LDLRAP1: variants seen among roughly 807,000 people sequenced by gnomAD.
The protein encoded by LDLRAP1 is low density lipoprotein receptor adaptor protein 1, also known as low density lipoprotein receptor adapter protein 1.
Under a neutral mutation model 37.8 loss-of-function variants are expected in LDLRAP1, and 30 were observed. The observed-to-expected ratio is 0.79, with a 90% CI of 0.59 to 1.08. LDLRAP1 has a LOEUF of 1.08. Among genes scored for constraint, LDLRAP1 ranks in the 50% least tolerant of loss-of-function variants. The pLI is 0.00. For synonymous variants in LDLRAP1, 156 were observed against 169.8 expected (o/e 0.92, Z 0.63); for missense variants, 375 against 401.6 (o/e 0.93, Z 0.57).
rs1167292124 is a variant in LDLRAP1, at chr1:25,554,537, T to A, written c.232-323T>A. Among the ~76,000 whole-genome samples the A allele has an allele frequency of 6.6e-6, 1 of 152,228 alleles. No individual in the cohort carries two copies. The highest frequency in any genetic ancestry group is 1.9e-4 in the East Asian group (1 of 5,188). On this transcript the variant is annotated intron_variant, in intron 2 of 8. Coordinates refer to ENST00000374338, the MANE Select transcript of LDLRAP1 (RefSeq NM_015627.3). The surrounding 1 kb of genome is among the most constrained non-coding windows in gnomAD (Gnocchi z 5.4). ...ACTCAGGAGTCATCCTGCTGGGTTG[T>A]GCTAGCTCATTCAGTGCCGAGTCTG...
chr1:25,545,169 G>A (rs1429988407), intron 1 of LDLRAP1, among the ~76,000 whole-genome samples: 1 of 152,208 alleles, frequency 6.6e-6, no homozygotes, highest in Non-Finnish European at 1.5e-5. Flanking sequence ...CAGGACTTCT[G>A]AGATGGCCAT....
At chr1:25,564,467 C>T (rs552628448) in intron 7 of LDLRAP1, 2 of 156,444 alleles carry the variant, frequency 1.3e-5, no homozygotes, top group African/African-American at 4.8e-5. Flanking sequence ...ATAGAACTTA[C>T]ACATTTCTCC....
At chr1:25,561,435 A>T (rs2044340179) in intron 4 of LDLRAP1, among the ~76,000 whole-genome samples, 1 of 152,172 alleles carries the variant, frequency 6.6e-6, no homozygotes, top group African/African-American at 2.4e-5. Flanking sequence ...ATATTTTTTT[A>T]AAAGGAGTTT....
intron 1 of LDLRAP1, among the ~76,000 whole-genome samples, chr1:25,551,374 G>A (rs186210717): frequency 4.6e-5 from 7 of 152,340 alleles, no homozygotes; most frequent in Non-Finnish European, 8.8e-5. Flanking sequence ...GCATGATAAA[G>A]TAGTATGGTC....
intron 4 of LDLRAP1, chr1:25,557,535 C>T (rs964462115): frequency 2.4e-5 from 13 of 531,728 alleles, no homozygotes; most frequent in Admixed American, 1.3e-4. Flanking sequence ...CTCTCTGTAA[C>T]GGGATTTGCT....
rs776857764 is a variant in LDLRAP1, at chr1:25,554,041, G to A, written c.208G>A (p.Ala70Thr). 15 of 1,613,898 alleles carry A rather than the reference G, an allele frequency of 9.3e-6. No individual in the cohort carries two copies. Among genetic ancestry groups the A allele is most frequent in the Non-Finnish European group, 1.2e-5 (14 of 1,180,028 alleles). The change falls in exon 2 of 9, where the codon GCC (alanine) becomes ACC (threonine). Residue 70 changes from alanine (A) to threonine (T), a missense_variant. Transcript: ENST00000374338. This position sits in a 1 kb window ranked among gnomAD's most constrained non-coding sequence, Gnocchi z 5.4. ...QPKGEELSAA[A>T]IKRIVATAKA... is the part of the protein sequence containing the mutation. ...CAAGGGTGAGGAGCTGTCGGCCGCC[G>A]CCATCAAGAGGATCGTGGCTACAGT... is the stretch of plus-strand genomic sequence containing the variant.
chr1:25,574,929 A>G, the LDLRAP1 span, among the ~76,000 whole-genome samples: 1 of 152,098 alleles, frequency 6.6e-6, no homozygotes, highest in Non-Finnish European at 1.5e-5. Flanking sequence ...TTGACATTCC[A>G]CAGCTCAGCT....
rs149394769 is a variant in LDLRAP1 at position 25,556,820 on chromosome 1, A to C, written c.345-333A>C. 5.5e-3 allele frequency among the ~76,000 whole-genome samples: 833 copies of C among 152,320 alleles called. 4 individuals are homozygous for C. Among genetic ancestry groups the C allele is most frequent in the Middle Eastern group, 0.034 (10 of 294 alleles). ...GTAGCTTTGAGAATCACATGAGGTG[A>C]GGTCTAGAAAGCTCTTGGCACATTG... On this transcript the variant is annotated intron_variant, in intron 3 of 8. Coordinates refer to ENST00000374338, the MANE Select transcript of LDLRAP1 (RefSeq NM_015627.3).
At chr1:25,586,219 G>A in the LDLRAP1 span, among the ~76,000 whole-genome samples, 7 of 152,152 alleles carry the variant, frequency 4.6e-5, no homozygotes, top group African/African-American at 1.7e-4. This position sits in a 1 kb window ranked among gnomAD's most constrained non-coding sequence, Gnocchi z 4.3. Context: ...ATAGGAGAAT[G>A]GGAATGGCCA....
chr1:25,557,021 A>T, intron 3 of LDLRAP1, 132 bp from the exon 4 acceptor site: 1 of 748,884 alleles, frequency 1.3e-6, no homozygotes, highest in Non-Finnish European at 2.4e-6. Context: ...CCAAGGCTGG[A>T]TTCCCAGAGT....
At chr1:25,563,596 C>G (rs1289104160) in intron 6 of LDLRAP1, 65 bp from the exon 7 acceptor site, 3 of 1,602,632 alleles carry the variant, frequency 1.9e-6, no homozygotes, top group Non-Finnish European at 2.5e-6. Context: ...CCAGGACAGC[C>G]CAGGGAGGGG....
chr1:25,543,830 A>G (rs2043862078), intron 1 of LDLRAP1, 44 bp downstream of exon 1: 1 of 1,173,216 alleles, frequency 8.5e-7, no homozygotes, highest in Non-Finnish European at 1.1e-6. Flanking sequence ...GATCGGGCAG[A>G]GGCGCGCGGG....
At chr1:25,581,910 G>A in the LDLRAP1 span, 2 of 152,458 alleles carry the variant, frequency 1.3e-5, no homozygotes, top group East Asian at 1.9e-4. Context: ...CGCCTCTGTT[G>A]TTCTGTCCTG....
chr1:25,566,300 G>A (rs1241832914), intron 8 of LDLRAP1, among the ~76,000 whole-genome samples: 1 of 152,086 alleles, frequency 6.6e-6, no homozygotes, highest in Non-Finnish European at 1.5e-5. Flanking sequence ...TCACTTAACA[G>A]CGATGTGTCA....
chr1:25,545,773 C>T (rs1299666864), intron 1 of LDLRAP1, among the ~76,000 whole-genome samples: 1 of 152,240 alleles, frequency 6.6e-6, no homozygotes, highest in African/African-American at 2.4e-5. Flanking sequence ...AACAGTAGTA[C>T]CTGCCTCCAG....
At chr1:25,585,078 T>G in the LDLRAP1 span, among the ~76,000 whole-genome samples, 3 of 151,844 alleles carry the variant, frequency 2.0e-5, no homozygotes, top group Non-Finnish European at 4.4e-5. Context: ...GGAAGACCGG[T>G]GGGTGTGGGG....
chr1:25,557,497 A>G (rs2044235385), intron 4 of LDLRAP1: 2 of 585,520 alleles, frequency 3.4e-6, no homozygotes, highest in South Asian at 2.0e-5. Context: ...TAGCTGGCCC[A>G]TGTCCCCAGT....
At chr1:25,582,397 G>A in the LDLRAP1 span, among the ~76,000 whole-genome samples, 6 of 151,952 alleles carry the variant, frequency 3.9e-5, no homozygotes, top group East Asian at 1.9e-4. Context: ...CCATCCTGGC[G>A]AACACGGTGA....
chr1:25,584,548 C>T, the LDLRAP1 span, among the ~76,000 whole-genome samples: 1 of 152,164 alleles, frequency 6.6e-6, no homozygotes, highest in Non-Finnish European at 1.5e-5. Context: ...CAGCAGGGAC[C>T]TTCCTACCTC....
Sources: gnomAD v4.1 joint callset for allele counts (sites outside exome capture counted in the v4.1 genomes callset) on GRCh38, gnomAD v4.1.1 for gene constraint, Gnocchi (gnomAD v3.1) non-coding constraint, MANE v1.5 for transcripts, NCBI Gene and HGNC (gene_info 2026-07-23, HGNC 2026-07-21) for gene names.